Variants in SETD3 observed in about 807,000 individuals in gnomAD.
SETD3 encodes SET domain containing 3, actin N3(tau)-histidine methyltransferase.
Under a neutral mutation model 63.0 loss-of-function variants are expected in SETD3, and 19 were observed. The observed-to-expected ratio is 0.30, with a 90% CI of 0.21 to 0.44. The LOEUF (loss-of-function observed/expected upper bound fraction) is 0.44, where lower values mean the gene tolerates loss of function less well. Ranked by LOEUF, SETD3 falls within the 20% of genes least tolerant of loss-of-function variation. The probability of loss-of-function intolerance (pLI) is 1.00; values close to 1 mark genes in which losing one functional copy is unlikely to be tolerated. For missense variants in SETD3, 587 were observed against 728.5 expected (o/e 0.81, Z 2.24); for synonymous variants, 286 against 264.1 (o/e 1.08, Z -0.80).
At chr14:99,408,466 A>G (rs1891802096) in intron 8 of SETD3, among the ~76,000 whole-genome samples, 1 of 152,120 alleles carries the variant, frequency 6.6e-6, no homozygotes, top group Admixed American at 6.5e-5. Flanking sequence ...AACTCCCAGG[A>G]GGGAGTCCAG....
At chr14:99,418,893 T>G (rs1892424313) in intron 6 of SETD3, among the ~76,000 whole-genome samples, 1 of 152,140 alleles carries the variant, frequency 6.6e-6, no homozygotes, top group East Asian at 1.9e-4. Context: ...ACTAAATACC[T>G]TGAGGTTTCC....
At chr14:99,399,798 T>A (rs1449755814) in intron 12 of SETD3, among the ~76,000 whole-genome samples, 4 of 140,176 alleles carry the variant, frequency 2.9e-5, no homozygotes, top group African/African-American at 1.1e-4. Flanking sequence ...TCACCCAGGC[T>A]GGAGTGCAGT....
At chr14:99,454,051 T>C (rs1411751119) in intron 6 of SETD3, among the ~76,000 whole-genome samples, 1 of 152,204 alleles carries the variant, frequency 6.6e-6, no homozygotes, top group Non-Finnish European at 1.5e-5. Context: ...AGCAGGGTTG[T>C]TTTCCTGTAA....
At chr14:99,449,614 G>A (rs149696396) in intron 6 of SETD3, among the ~76,000 whole-genome samples, 1,562 of 152,316 alleles carry the variant, frequency 0.01, 13 homozygotes, top group Non-Finnish European at 0.013. Context: ...AACTATCCCA[G>A]GCTGGAAGTG....
chr14:99,413,756 T>G (rs1595160655), intron 7 of SETD3, 120 bp downstream of exon 7: 1 of 879,674 alleles, frequency 1.1e-6, no homozygotes, highest in East Asian at 2.4e-5. Flanking sequence ...TGAGCTCTGT[T>G]TGGATGCTTT....
chr14:99,440,304 G>A (rs563922208), intron 6 of SETD3, among the ~76,000 whole-genome samples: 5 of 152,186 alleles, frequency 3.3e-5, no homozygotes, highest in South Asian at 2.1e-4. Context: ...ACAAAAGTAC[G>A]CAAACCATTA....
chr14:99,459,928 T>A (rs1179080872), intron 4 of SETD3, among the ~76,000 whole-genome samples: 1 of 152,150 alleles, frequency 6.6e-6, no homozygotes, highest in Non-Finnish European at 1.5e-5. Flanking sequence ...TTGTGAGAAA[T>A]AAATGTCTGT....
intron 6 of SETD3, among the ~76,000 whole-genome samples, chr14:99,424,998 G>C (rs1352112333): frequency 6.6e-6 from 1 of 152,076 alleles, no homozygotes; most frequent in Admixed American, 6.5e-5. Flanking sequence ...GGGATGGTGG[G>C]GAGGACACGG....
At chr14:99,416,522 G>C (rs1566880305) in intron 6 of SETD3, among the ~76,000 whole-genome samples, 1 of 152,176 alleles carries the variant, frequency 6.6e-6, no homozygotes, top group Non-Finnish European at 1.5e-5. Flanking sequence ...CAGCCAATTG[G>C]TTTTAGCTTC....
intron 7 of SETD3, 99 bp from the exon 8 acceptor site, chr14:99,413,164 C>T (rs897814268): frequency 9.0e-5 from 59 of 652,060 alleles, no homozygotes; most frequent in African/African-American, 5.7e-4. Flanking sequence ...CTCTTACAAA[C>T]GTACAAAGTC....
intron 8 of SETD3, among the ~76,000 whole-genome samples, chr14:99,408,480 C>T (rs1426540308): frequency 6.6e-6 from 1 of 152,130 alleles, no homozygotes; most frequent in Non-Finnish European, 1.5e-5. Flanking sequence ...AGTCCAGGCA[C>T]TCCCAGGGTG....
Position 99,443,838 on chromosome 14 carries a change from T to A in SETD3, c.675+14441A>T, listed in dbSNP as rs566519110. ...TCAATATAAGGAATGGCTTTCTAACTATATAGTCTTCTCGCTCTGGAAAGG... is the reference window on the plus strand; with the variant it reads ...TCAATATAAGGAATGGCTTTCTAACAATATAGTCTTCTCGCTCTGGAAAGG... On this transcript the variant is annotated intron_variant, in intron 6 of 12. Transcript: ENST00000331768. Among the ~76,000 whole-genome samples, 5 of 152,292 alleles carry A rather than the reference T, an allele frequency of 3.3e-5. No individual in the cohort carries two copies. The South Asian group carries it at 1.0e-3, about 32-fold the overall frequency.
rs559683086 is a variant in SETD3, at chr14:99,447,220, AC to A, written c.675+11058del. Among the ~76,000 whole-genome samples the A allele has an allele frequency of 5.9e-5, 9 of 152,152 alleles. No homozygotes were observed. The South Asian group carries it at 1.7e-3, about 28-fold the overall frequency. Reference sequence around the variant, plus strand: ...ACTCCCGACCTCAGGTGATCTGCCCACCTCAGCCACCCAAAGCGCTGGGATT... The same window carrying A: ...ACTCCCGACCTCAGGTGATCTGCCCACTCAGCCACCCAAAGCGCTGGGATT... On this transcript the variant is annotated intron_variant, in intron 6 of 12. Transcript: ENST00000331768.
At chr14:99,427,410 C>T (rs772807989) in intron 6 of SETD3, among the ~76,000 whole-genome samples, 28 of 152,124 alleles carry the variant, frequency 1.8e-4, no homozygotes, top group Non-Finnish European at 3.1e-4. Flanking sequence ...TACTGTGCTA[C>T]TCTTGTGAGT....
chr14:99,473,138 A>G (rs936877521), intron 1 of SETD3, among the ~76,000 whole-genome samples: 2 of 152,222 alleles, frequency 1.3e-5, no homozygotes, highest in African/African-American at 4.8e-5. Flanking sequence ...GACAAACTCA[A>G]TTATTATTTA....
At position 99,405,339 on chromosome 14, in the gene SETD3, T is replaced by A; in HGVS notation, c.957A>T (p.Ala319=). The A allele has an allele frequency of 6.2e-7, 1 of 1,611,952 alleles. No homozygotes were observed. Among genetic ancestry groups the A allele is most frequent in the Non-Finnish European group, 8.5e-7 (1 of 1,179,556 alleles). Residue 319 remains alanine, a synonymous_variant, in exon 10 of 13, where the codon GCA becomes GCT. Transcript: ENST00000331768. ...IYIFYGTRSN[A]EFVIHSGFFF... ...AAAAACCACTGTGGATCACAAACTC[T>A]GCGTTGGATCGAGTGCCATAAAAAA...
At chr14:99,400,779 C>T (rs1052302081) in intron 11 of SETD3, among the ~76,000 whole-genome samples, 1 of 152,072 alleles carries the variant, frequency 6.6e-6, no homozygotes, top group Non-Finnish European at 1.5e-5. Flanking sequence ...ACGTTCGTAA[C>T]AAGCCACAAA....
chr14:99,427,817 TACATG>T lies in SETD3; in HGVS notation c.676-13888_676-13884del, dbSNP rs1240382650. Among the ~76,000 whole-genome samples the T allele has an allele frequency of 3.3e-5, 5 of 152,122 alleles. No individual in the cohort carries two copies. The South Asian group carries it at 8.3e-4, about 25-fold the overall frequency. ...CAAACTGTGACGTGTCACACCAGGATACATGACACGTGCTGGAATTCAGAAAAGAA... is the reference window on the plus strand; with the variant it reads ...CAAACTGTGACGTGTCACACCAGGATACACGTGCTGGAATTCAGAAAAGAA... On this transcript the variant is annotated intron_variant, in intron 6 of 12. Transcript: ENST00000331768.
chr14:99,418,108 G>GTA (rs2139655381), intron 6 of SETD3, among the ~76,000 whole-genome samples: 1 of 152,156 alleles, frequency 6.6e-6, no homozygotes, highest in Non-Finnish European at 1.5e-5. Flanking sequence ...TCTAAATACT[G>GTA]TATGTTAAAG....
Sources: gnomAD v4.1 joint callset for allele counts (sites outside exome capture counted in the v4.1 genomes callset) on GRCh38, gnomAD v4.1.1 for gene constraint, MANE v1.5 for transcripts, NCBI Gene and HGNC (gene_info 2026-07-23, HGNC 2026-07-21) for gene names.